The following DIP2C variants were observed in gnomAD, a reference collection of about 807,000 sequenced individuals.
DIP2C encodes the protein DIP2 acetate--CoA ligase C (putative).
Under a neutral mutation model 192.4 loss-of-function variants are expected in DIP2C, and 33 were observed. The observed-to-expected ratio is 0.17, with a 90% confidence interval of 0.13 to 0.23. The LOEUF is 0.23. Among genes scored for constraint, DIP2C ranks in the 10% least tolerant of loss-of-function variants. DIP2C has a pLI of 1.00. For missense variants in DIP2C, 1,537 were observed against 2,110.1 expected, an observed-to-expected ratio of 0.73 and a Z score of 5.32; for synonymous variants, 979 against 864.1, an observed-to-expected ratio of 1.13 and a Z score of -2.33.
chr10:351,017 T>TGGCAAGGCTGTCGGGACC (rs1406037250), intron 24 of DIP2C, among the ~76,000 whole-genome samples: 135 of 151,910 alleles, frequency 8.9e-4, no homozygotes, highest in African/African-American at 3.1e-3. Context: ...GCGGCGGGCC[T>TGGCAAGGCTGTCGGGACC]GGCAAGGCTG....
chr10:635,370 C>T (rs567779506), intron 1 of DIP2C, among the ~76,000 whole-genome samples: 9 of 152,240 alleles, frequency 5.9e-5, no homozygotes, highest in Non-Finnish European at 1.2e-4. Flanking sequence ...ATAACAGTGG[C>T]CTCATCTGGA....
chr10:633,071 A>C (rs1215589326), intron 1 of DIP2C, among the ~76,000 whole-genome samples: 2 of 152,278 alleles, frequency 1.3e-5, no homozygotes, highest in South Asian at 2.1e-4. Context: ...TGATTCTGGA[A>C]GGAACTGAGG....
At chr10:610,444 C>T (rs1475091056) in intron 1 of DIP2C, among the ~76,000 whole-genome samples, 1 of 152,142 alleles carries the variant, frequency 6.6e-6, no homozygotes, top group Non-Finnish European at 1.5e-5. Context: ...GAGAGAATAA[C>T]TTGAATGTTA....
rs1306923003 is a variant in DIP2C, at chr10:351,550, A to T, written c.2986-2096T>A. Among the ~76,000 whole-genome samples, 6 of 152,166 alleles carry T rather than the reference A, an allele frequency of 3.9e-5. No individual in the cohort carries two copies. The East Asian group carries it at 1.2e-3, about 29-fold the overall frequency. On this transcript the variant is annotated intron_variant, in intron 24 of 36. Transcript: ENST00000280886. ...GATTAGCTTACATTTCTCTGAATTC[A>T]ACCTTCTCATCCCACACATTTTCCT...
At position 326,570 on chromosome 10, in the gene DIP2C, T is replaced by C. The variant is rs1341760589; in HGVS notation, c.3924+436A>G. On this transcript the variant is annotated intron_variant, in intron 31 of 36. Coordinates refer to ENST00000280886, the MANE Select transcript of DIP2C (RefSeq NM_014974.3). ...TTCACTTACGCCTGTTTCCCAGAAG[T>C]GCGGCTTTGCGGTTTCTAAAATGCC... 3.3e-5 allele frequency among the ~76,000 whole-genome samples: 5 copies of C among 152,226 alleles called. No homozygotes were observed. In the East Asian group the frequency reaches 9.6e-4, roughly 29 times the overall value.
chr10:304,699 G>GCC, intron 32 of DIP2C, among the ~76,000 whole-genome samples: 1 of 152,054 alleles, frequency 6.6e-6, no homozygotes, highest in South Asian at 2.1e-4. Flanking sequence ...CCACACACTA[G>GCC]CACAAACTCA....
intron 9 of DIP2C, among the ~76,000 whole-genome samples, chr10:402,618 C>T (rs1454732203): frequency 5.7e-5 from 1 of 17,428 alleles, no homozygotes; most frequent in African/African-American, 6.1e-5. Context: ...TTTTCATCAG[C>T]ACATGAATCC....
chr10:393,814 A>AAAAAGG (rs1438773127), intron 10 of DIP2C, among the ~76,000 whole-genome samples: 9 of 147,358 alleles, frequency 6.1e-5, no homozygotes, highest in South Asian at 2.1e-4. Context: ...AAAGAAAAAG[A>AAAAAGG]AAAAGGAAAA....
intron 34 of DIP2C, among the ~76,000 whole-genome samples, chr10:285,675 C>T (rs1233638913): frequency 6.6e-6 from 1 of 152,224 alleles, no homozygotes. Flanking sequence ...GATGAGGTGT[C>T]AAGAGAGGAG....
rs780738843 is a variant in DIP2C at position 390,085 on chromosome 10, C to T, written c.1503G>A (p.Thr501=). The stretch of plus-strand genomic sequence containing the variant: ...CACCCAGCACACTGCCATCCTTACA[C>T]GTCTTGTACTGAAACGAGACAAAGC... ...NNDTAYIEYK[T]CKDGSVLGVT... is the part of the protein sequence containing the mutation. Residue 501 remains threonine (T), a synonymous_variant, in exon 13 of 37, where the codon ACG becomes ACA. Transcript: ENST00000280886. The T allele has an allele frequency of 5.6e-5, 91 of 1,613,740 alleles. No homozygotes were observed. The highest frequency in any genetic ancestry group is 7.3e-5 in the Non-Finnish European group (86 of 1,179,838).
intron 1 of DIP2C, among the ~76,000 whole-genome samples, chr10:549,246 C>T (rs1848466165): frequency 6.6e-6 from 1 of 152,058 alleles, no homozygotes; most frequent in Non-Finnish European, 1.5e-5. Flanking sequence ...CCTTTTTAGA[C>T]CTTTTTTCCC....
chr10:497,522 T>G (rs1844920235), intron 1 of DIP2C, among the ~76,000 whole-genome samples: 1 of 152,202 alleles, frequency 6.6e-6, no homozygotes, highest in Non-Finnish European at 1.5e-5. Context: ...CGTCCTTCAC[T>G]TGCGAACTGT....
intron 1 of DIP2C, among the ~76,000 whole-genome samples, chr10:675,330 TAA>T (rs752473223): frequency 6.6e-6 from 1 of 151,368 alleles, no homozygotes; most frequent in Non-Finnish European, 1.5e-5. Flanking sequence ...ACTCCTACAT[TAA>T]AAAAAAGATT....
Position 358,311 on chromosome 10 carries a change from G to A in DIP2C, c.2795-374C>T, listed in dbSNP as rs548260450. Among the ~76,000 whole-genome samples the A allele has an allele frequency of 3.3e-5, 5 of 151,456 alleles. No homozygotes were observed. In the South Asian group the frequency reaches 6.4e-4, roughly 19 times the overall value. ...GATTTGTCTCACTGCAGAGACCTGT[G>A]GCTCCCGTCTGTTCGAGTTCTCTGG... On this transcript the variant is annotated intron_variant, in intron 22 of 36. Transcript: ENST00000280886.
intron 33 of DIP2C, among the ~76,000 whole-genome samples, 169 bp downstream of exon 33, chr10:288,195 A>C (rs757420764): frequency 2.6e-5 from 4 of 151,350 alleles, no homozygotes; most frequent in Non-Finnish European, 5.9e-5. Flanking sequence ...AAAAAAGTCT[A>C]ACTTGTTTAA....
intron 1 of DIP2C, among the ~76,000 whole-genome samples, chr10:593,142 A>G (rs1293247592): frequency 6.6e-6 from 1 of 152,032 alleles, no homozygotes; most frequent in Non-Finnish European, 1.5e-5. Context: ...CTTTGAGGGC[A>G]CTGGTCTCCT....
intron 1 of DIP2C, among the ~76,000 whole-genome samples, chr10:568,784 A>AAAAAAAACAAAC (rs1564208280): frequency 2.1e-5 from 3 of 145,518 alleles, no homozygotes; most frequent in African/African-American, 7.6e-5. Context: ...AAAAAAAAAA[A>AAAAAAAACAAAC]AAAAAAAAAA....
At chr10:421,572 T>G (rs1399986519) in intron 5 of DIP2C, among the ~76,000 whole-genome samples, 1 of 152,222 alleles carries the variant, frequency 6.6e-6, no homozygotes, top group Non-Finnish European at 1.5e-5. Context: ...GTACTGTGAT[T>G]TCAAGTACAG....
chr10:568,403 G>A (rs1041450312), intron 1 of DIP2C, among the ~76,000 whole-genome samples: 4 of 152,140 alleles, frequency 2.6e-5, no homozygotes, highest in Admixed American at 6.5e-5. Flanking sequence ...AGAGCAAAAA[G>A]AAACGAATCA....
Sources: allele counts gnomAD v4.1 joint callset (sites outside exome capture counted in the v4.1 genomes callset), GRCh38; gene constraint gnomAD v4.1.1; transcripts MANE v1.5; gene names NCBI Gene and HGNC (gene_info 2026-07-23, HGNC 2026-07-21).